Variants in PRKN observed in about 807,000 individuals in gnomAD.
PRKN encodes the protein E3 ubiquitin-protein ligase parkin.
In PRKN, 56 loss-of-function variants were observed where a neutral mutation model predicts 59.5. The ratio of observed to expected loss-of-function variants is 0.94; its 90% CI spans 0.76 to 1.18. PRKN has a LOEUF of 1.18. Among genes scored for constraint, PRKN ranks in the 50% most tolerant of loss-of-function variants. The pLI is 0.00. For missense variants in PRKN, 657 were observed against 596.4 expected (o/e 1.10, Z -1.06); for synonymous variants, 250 against 222.1 (o/e 1.13, Z -1.12).
At chr6:161,868,586 C>T (rs1177099363) in intron 6 of PRKN, among the ~76,000 whole-genome samples, 1 of 151,394 alleles carries the variant, frequency 6.6e-6, no homozygotes, top group African/African-American at 2.5e-5. Context: ...GTCTCTAAAA[C>T]AAAACAAAAC....
In PRKN at chr6:161,560,242, C is replaced by T. The variant is rs994064485; in HGVS notation, c.933+9113G>A. On this transcript the variant is annotated intron_variant, in intron 8 of 11. Transcript: ENST00000366898. The surrounding 1 kb of genome is among the most constrained non-coding windows in gnomAD (Gnocchi z 4.9). ...TCAGCCTTTTGAAAGGTTTCCCTGT[C>T]CACACTGACTTAACTGAAACTGATC... Among the ~76,000 whole-genome samples the T allele has an allele frequency of 1.2e-4, 19 of 152,160 alleles. No individual in the cohort carries two copies. The highest frequency in any genetic ancestry group is 2.8e-4 in the Non-Finnish European group (19 of 68,036).
At chr6:161,672,284 T>G (rs1218987528) in intron 7 of PRKN, among the ~76,000 whole-genome samples, 4 of 152,208 alleles carry the variant, frequency 2.6e-5, no homozygotes, top group Non-Finnish European at 5.9e-5. Context: ...ACACCATTAA[T>G]TCACCATATG....
chr6:161,931,942 T>G (rs1291890397), intron 6 of PRKN, among the ~76,000 whole-genome samples: 1 of 152,192 alleles, frequency 6.6e-6, no homozygotes, highest in Non-Finnish European at 1.5e-5. Context: ...AGAAAACAAT[T>G]CATCCATCGA....
intron 2 of PRKN, among the ~76,000 whole-genome samples, chr6:162,303,640 T>G (rs1335615491): frequency 6.6e-6 from 1 of 152,196 alleles, no homozygotes; most frequent in Non-Finnish European, 1.5e-5. Context: ...AAGATCTCTA[T>G]GCAAGAATAT....
At position 162,259,459 on chromosome 6, in the gene PRKN, G is replaced by A. The variant is rs1024382182; in HGVS notation, c.412+3066C>T. ...AGAATGAAAGAAGATTTTTTTTCTCGCCATTCTGGCCATCAAAGAAACATG... is the reference window on the plus strand; with the variant it reads ...AGAATGAAAGAAGATTTTTTTTCTCACCATTCTGGCCATCAAAGAAACATG... On this transcript the variant is annotated intron_variant, in intron 3 of 11. Coordinates refer to ENST00000366898, the MANE Select transcript of PRKN (RefSeq NM_004562.3). Among the ~76,000 whole-genome samples, 16 of 152,128 alleles carry A rather than the reference G, an allele frequency of 1.1e-4. 1 individual carries two copies. In the East Asian group the frequency reaches 2.5e-3, roughly 24 times the overall value.
intron 6 of PRKN, among the ~76,000 whole-genome samples, chr6:161,858,129 T>G (rs1793731385): frequency 6.6e-6 from 1 of 152,244 alleles, no homozygotes; most frequent in South Asian, 2.1e-4. Context: ...AATAAAGTGC[T>G]TGCCAGGGTA....
chr6:162,723,611 T>C (rs1028834869), intron 1 of PRKN, among the ~76,000 whole-genome samples: 5 of 152,222 alleles, frequency 3.3e-5, no homozygotes, highest in South Asian at 2.1e-4. Context: ...AGGCTTTAGA[T>C]AGGCTTGTAA....
chr6:161,420,505 C>CT (rs1252431207), intron 9 of PRKN, among the ~76,000 whole-genome samples: 2 of 151,784 alleles, frequency 1.3e-5, no homozygotes, highest in African/African-American at 2.4e-5. Context: ...CCTTTATTTT[C>CT]TTTTTTTTCT....
intron 1 of PRKN, among the ~76,000 whole-genome samples, chr6:162,475,932 AGTAGAGACAGG>A (rs760155459): frequency 3.3e-5 from 5 of 150,256 alleles, no homozygotes; most frequent in Non-Finnish European, 7.4e-5. Flanking sequence ...TTGTATTTTT[AGTAGAGACAGG>A]GTTTCACCAT....
chr6:162,404,368 A>AG (rs1491557927), intron 2 of PRKN, among the ~76,000 whole-genome samples: 1 of 122,258 alleles, frequency 8.2e-6, no homozygotes, highest in African/African-American at 3.6e-5. Flanking sequence ...AGACTCTGTC[A>AG]GAAAAAAAAA....
chr6:162,216,097 C>T (rs1777638981), intron 3 of PRKN, among the ~76,000 whole-genome samples: 1 of 152,150 alleles, frequency 6.6e-6, no homozygotes. Context: ...CCCAAATGGA[C>T]AAATGGACAG....
intron 4 of PRKN, among the ~76,000 whole-genome samples, chr6:162,184,382 T>C (rs144544961): frequency 0.012 from 1,895 of 152,320 alleles, 22 homozygotes; most frequent in African/African-American, 0.032. Flanking sequence ...ACCCAATTAT[T>C]AGTTCCCATA....
intron 2 of PRKN, among the ~76,000 whole-genome samples, chr6:162,309,620 C>T (rs568665471): frequency 1.4e-5 from 2 of 145,896 alleles, no homozygotes; most frequent in South Asian, 2.1e-4. Flanking sequence ...AATCTTTCTA[C>T]TTACACTGTG....
In PRKN at chr6:162,650,597, C is replaced by CAA. The variant is rs142452684; in HGVS notation, c.7+77063_7+77064dup. Among the ~76,000 whole-genome samples the CAA allele has an allele frequency of 8.8e-3, 840 of 94,928 alleles. 10 individuals carry two copies. The highest frequency in any genetic ancestry group is 0.034 in the Middle Eastern group (6 of 174). 62.3% of individuals were successfully genotyped at this position (94,928 alleles called of 152,430 possible). The stretch of plus-strand genomic sequence containing the variant: ...TGGGCGACAGAGCGAGACTCCGTCT[C>CAA]AAAAAAAAAAAAAAAAAAGAAAACT... On this transcript the variant is annotated intron_variant, in intron 1 of 11. Transcript: ENST00000366898.
In PRKN at chr6:162,116,372, C is replaced by G. The variant is rs561392579; in HGVS notation, c.535-62198G>C. ...CTGGCTTAGCGGCAGATTTGGGTCT[C>G]AATTGCTGATCAATTTCTGCATTAT... is the stretch of plus-strand genomic sequence containing the variant. On this transcript the variant is annotated intron_variant, in intron 4 of 11. Coordinates refer to ENST00000366898, the MANE Select transcript of PRKN (RefSeq NM_004562.3). Among the ~76,000 whole-genome samples, 10 of 152,266 alleles carry G rather than the reference C, an allele frequency of 6.6e-5. No homozygotes were observed. The South Asian group carries it at 1.9e-3, about 28-fold the overall frequency.
chr6:162,256,957 T>C (rs996679037), intron 3 of PRKN, among the ~76,000 whole-genome samples: 2 of 152,160 alleles, frequency 1.3e-5, no homozygotes, highest in African/African-American at 4.8e-5. Flanking sequence ...TTTTATTTCT[T>C]TATGTTTCAA....
chr6:162,023,684 G>T (rs1284991907), intron 5 of PRKN, among the ~76,000 whole-genome samples: 1 of 152,098 alleles, frequency 6.6e-6, no homozygotes, highest in Non-Finnish European at 1.5e-5. Flanking sequence ...CAGGATGGGG[G>T]TGTGGCGGAC....
At position 161,646,334 on chromosome 6, in the gene PRKN, T is replaced by C. The variant is rs866368147; in HGVS notation, c.872-76918A>G. 2.0e-4 allele frequency among the ~76,000 whole-genome samples: 19 copies of C among 94,400 alleles called. 1 individual carries two copies. Among genetic ancestry groups the C allele is most frequent in the South Asian group, 1.9e-3 (4 of 2,074 alleles). The allele number at this position is 94,400 out of a possible 152,430, so 61.9% of individuals were successfully genotyped here. ...TATCAGTGACAGTGGTGACTGCGTG[T>C]GCGTGCGTGGCGGAGGAGGTGGCGT... On this transcript the variant is annotated intron_variant, in intron 7 of 11. Transcript: ENST00000366898.
intron 10 of PRKN, among the ~76,000 whole-genome samples, chr6:161,384,920 CA>C (rs1554255484): frequency 1.3e-5 from 2 of 152,136 alleles, no homozygotes; most frequent in Non-Finnish European, 2.9e-5. Flanking sequence ...AAGGGAAATA[CA>C]CTTTTCTTTT....
Sources: gnomAD v4.1 joint callset for allele counts (sites outside exome capture counted in the v4.1 genomes callset) on GRCh38, gnomAD v4.1.1 for gene constraint, Gnocchi (gnomAD v3.1) non-coding constraint, MANE v1.5 for transcripts, NCBI Gene and HGNC (gene_info 2026-07-23, HGNC 2026-07-21) for gene names.